The following EYS variants were observed in gnomAD, a reference collection of about 807,000 sequenced individuals.
EYS encodes protein eyes shut homolog.
A neutral mutation model predicts 282.1 loss-of-function variants in EYS; 250 were observed. That is an observed-to-expected ratio of 0.89 (90% confidence interval 0.80 to 0.98). The LOEUF is 0.98. Among genes scored for constraint, EYS ranks in the 50% least tolerant of loss-of-function variants. The pLI, the probability that EYS is intolerant of heterozygous loss-of-function variation, is 0.00. For missense variants in EYS, 4,016 were observed against 3,709.0 expected (o/e 1.08, Z -2.15); for synonymous variants, 1,355 against 1,282.9 (o/e 1.06, Z -1.20).
intron 26 of EYS, among the ~76,000 whole-genome samples, chr6:64,545,959 T>C (rs929016625): frequency 3.9e-5 from 6 of 152,294 alleles, no homozygotes; most frequent in Admixed American, 1.3e-4. Flanking sequence ...AGGTAATTTA[T>C]AGATTCAATG....
At chr6:64,944,512 C>T (rs1314363868) in intron 15 of EYS, among the ~76,000 whole-genome samples, 1 of 152,038 alleles carries the variant, frequency 6.6e-6, no homozygotes, top group Non-Finnish European at 1.5e-5. Flanking sequence ...GCACAATGCA[C>T]TGTGGAAAGC....
chr6:64,055,362 T>A (rs1376128581), intron 33 of EYS, among the ~76,000 whole-genome samples: 1 of 152,166 alleles, frequency 6.6e-6, no homozygotes, highest in Non-Finnish European at 1.5e-5. Flanking sequence ...TGATGTTTTT[T>A]AAAGCACTTT....
intron 35 of EYS, among the ~76,000 whole-genome samples, chr6:63,911,251 C>T (rs1490699541): frequency 6.6e-6 from 1 of 152,160 alleles, no homozygotes; most frequent in Non-Finnish European, 1.5e-5. Flanking sequence ...CAACTTCCTG[C>T]TGGTTGGTTC....
Position 64,475,317 on chromosome 6 carries a change from C to T in EYS, c.5645-35965G>A, listed in dbSNP as rs1776227459. Among the ~76,000 whole-genome samples, 5 of 71,198 alleles carry T rather than the reference C, an allele frequency of 7.0e-5. 1 individual carries two copies. 46.7% of individuals were successfully genotyped at this position (71,198 alleles called of 152,430 possible). On this transcript the variant is annotated intron_variant, in intron 26 of 42. Coordinates refer to ENST00000503581, the MANE Select transcript of EYS (RefSeq NM_001142800.2). Reference sequence around the variant, plus strand: ...CTGTAATCCCAGCACTTTGGGAGGCCGAGGCGGGCGGATCACAAGGTCAGG... The same window carrying T: ...CTGTAATCCCAGCACTTTGGGAGGCTGAGGCGGGCGGATCACAAGGTCAGG...
At chr6:65,079,337 T>C (rs1163747869) in intron 12 of EYS, among the ~76,000 whole-genome samples, 2 of 152,046 alleles carry the variant, frequency 1.3e-5, no homozygotes, top group Non-Finnish European at 2.9e-5. Flanking sequence ...TAACTTTAAT[T>C]TAAATTTAAA....
chr6:65,650,660 A>C (rs548766390), intron 1 of EYS, among the ~76,000 whole-genome samples: 1 of 152,256 alleles, frequency 6.6e-6, no homozygotes, highest in East Asian at 1.9e-4. Context: ...TTTTTGTTGA[A>C]GTTCAAATTT....
intron 2 of EYS, among the ~76,000 whole-genome samples, chr6:65,501,033 T>TA (rs1766432714): frequency 6.6e-6 from 1 of 152,020 alleles, no homozygotes; most frequent in African/African-American, 2.4e-5. Context: ...AATATGTCAG[T>TA]ATTTTAAAAA....
chr6:64,436,813 T>C (rs563542399), intron 27 of EYS, among the ~76,000 whole-genome samples: 1 of 151,988 alleles, frequency 6.6e-6, no homozygotes, highest in Non-Finnish European at 1.5e-5. Flanking sequence ...CAGGTATGAT[T>C]AACCAAGTAT....
At chr6:64,779,850 A>C (rs1160482656) in intron 22 of EYS, among the ~76,000 whole-genome samples, 1 of 152,200 alleles carries the variant, frequency 6.6e-6, no homozygotes, top group Non-Finnish European at 1.5e-5. Context: ...TTGATAGATT[A>C]GTGATAAAAT....
At chr6:64,387,765 A>G (rs1582684399) in intron 29 of EYS, among the ~76,000 whole-genome samples, 2 of 152,162 alleles carry the variant, frequency 1.3e-5, no homozygotes, top group East Asian at 3.8e-4. Flanking sequence ...GTAAATCTGA[A>G]TCTAAATCTC....
At chr6:65,031,930 C>T in intron 13 of EYS, among the ~76,000 whole-genome samples, 1 of 151,548 alleles carries the variant, frequency 6.6e-6, no homozygotes, top group East Asian at 1.9e-4. Flanking sequence ...ATAAACAAAA[C>T]CCAAAATTGG....
chr6:65,243,178 TTATCA>T (rs1446694244), intron 12 of EYS, among the ~76,000 whole-genome samples: 1 of 152,344 alleles, frequency 6.6e-6, no homozygotes, highest in East Asian at 1.9e-4. Context: ...TTTTGTGTGT[TTATCA>T]TATCATTTGT....
intron 41 of EYS, among the ~76,000 whole-genome samples, chr6:63,753,164 ATATG>A (rs1336367903): frequency 7.0e-6 from 1 of 142,808 alleles, no homozygotes; most frequent in East Asian, 2.0e-4. Flanking sequence ...ATATATATAT[ATATG>A]TATATATATT....
At chr6:65,009,462 C>T (rs1164640257) in intron 13 of EYS, among the ~76,000 whole-genome samples, 4 of 152,142 alleles carry the variant, frequency 2.6e-5, no homozygotes, top group East Asian at 1.9e-4. Context: ...GAGTGGTTTA[C>T]AGTCCTGGAC....
chr6:65,287,086 G>C (rs913485041), intron 12 of EYS, among the ~76,000 whole-genome samples: 6 of 151,242 alleles, frequency 4.0e-5, no homozygotes, highest in Admixed American at 3.3e-4. Flanking sequence ...GTAAAGTAGG[G>C]CAGGTATACA....
At chr6:64,307,561 T>A (rs1769500826) in intron 29 of EYS, among the ~76,000 whole-genome samples, 1 of 151,638 alleles carries the variant, frequency 6.6e-6, no homozygotes, top group South Asian at 2.1e-4. Context: ...AGGCTGTGGG[T>A]GGGGAAAAAA....
intron 2 of EYS, among the ~76,000 whole-genome samples, chr6:65,542,121 G>T (rs184294336): frequency 6.6e-6 from 1 of 152,086 alleles, no homozygotes; most frequent in African/African-American, 2.4e-5. Context: ...TATACAGATA[G>T]ATTTGACTTT....
chr6:64,082,257 T>C (rs1015331857), intron 31 of EYS, among the ~76,000 whole-genome samples: 2 of 152,152 alleles, frequency 1.3e-5, no homozygotes, highest in Non-Finnish European at 2.9e-5. Flanking sequence ...TTTTAAGACA[T>C]AACAAACACT....
At chr6:64,982,779 T>C (rs533394464) in intron 14 of EYS, among the ~76,000 whole-genome samples, 1 of 151,342 alleles carries the variant, frequency 6.6e-6, no homozygotes, top group South Asian at 2.1e-4. Context: ...GTTTATAATT[T>C]AAACAAAAAC....
Sources: allele counts gnomAD v4.1 joint callset (sites outside exome capture counted in the v4.1 genomes callset), GRCh38; gene constraint gnomAD v4.1.1; transcripts MANE v1.5; gene names NCBI Gene and HGNC (gene_info 2026-07-23, HGNC 2026-07-21).